Variants in CD200R1 observed in about 807,000 individuals in gnomAD.
CD200R1 encodes the protein cell surface glycoprotein CD200 receptor 1.
In CD200R1, 30 loss-of-function variants were observed where a neutral mutation model predicts 38.1. The observed-to-expected ratio is 0.79, with a 90% CI of 0.59 to 1.07. CD200R1 has a LOEUF of 1.07. Ranked by LOEUF, CD200R1 falls within the 50% of genes least tolerant of loss-of-function variation. The probability of loss-of-function intolerance (pLI) is 0.00; values close to 1 mark genes in which losing one functional copy is unlikely to be tolerated. For synonymous variants in CD200R1, 128 were observed against 152.1 expected (o/e 0.84, Z 1.16); for missense variants, 372 against 415.4 (o/e 0.90, Z 0.91).
At chr3:112,952,385 C>A (rs576477371) in intron 1 of CD200R1, among the ~76,000 whole-genome samples, 4 of 152,116 alleles carry the variant, frequency 2.6e-5, no homozygotes, top group South Asian at 2.1e-4. Context: ...AAGAATCAAC[C>A]CAAATGTCCA....
At chr3:112,971,830 T>C (rs1274914283) in intron 1 of CD200R1, among the ~76,000 whole-genome samples, 1 of 152,162 alleles carries the variant, frequency 6.6e-6, no homozygotes, top group African/African-American at 2.4e-5. Flanking sequence ...ACCTTGCATT[T>C]GCACATGCTA....
chr3:112,932,876 G>A (rs777889256), intron 2 of CD200R1, among the ~76,000 whole-genome samples: 33 of 151,948 alleles, frequency 2.2e-4, no homozygotes, highest in Non-Finnish European at 2.5e-4. Flanking sequence ...AAGTGGCCCC[G>A]TGCCTGTAAC....
chr3:112,932,071 G>C (rs1374733745), intron 2 of CD200R1, among the ~76,000 whole-genome samples: 1 of 152,138 alleles, frequency 6.6e-6, no homozygotes, highest in African/African-American at 2.4e-5. Flanking sequence ...AGTGCTACCA[G>C]GAATTCATAC....
Position 112,957,602 on chromosome 3 carries a change from A to G in CD200R1, c.68-9678T>C, listed in dbSNP as rs1178109423. Among the ~76,000 whole-genome samples the G allele has an allele frequency of 1.3e-5, 2 of 152,230 alleles. 1 individual carries two copies. The highest frequency in any genetic ancestry group is 1.3e-4 in the Admixed American group (2 of 15,282). ...GACATAGGCAAAGATTTATTGGGAC[A>G]TAAGTAGAACAAGCCATGAAAGAAA... On this transcript the variant is annotated intron_variant, in intron 1 of 7. Coordinates refer to ENST00000308611, the MANE Select transcript of CD200R1 (RefSeq NM_138806.4).
rs1356007688 is a variant in CD200R1, at chr3:112,929,196, C to T, written c.514G>A (p.Val172Met). The T allele has an allele frequency of 6.2e-7, 1 of 1,614,052 alleles. No homozygotes were observed. Residue 172 changes from valine to methionine, a missense_variant, in exon 4 of 8, where the codon GTG becomes ATG. Transcript: ENST00000308611. The stretch of plus-strand genomic sequence containing the variant: ...AATATATGATGCTCCTTACCTAACA[C>T]TTGGAGGTGATATCCACGATGGAAA... ...GNFHRGYHLQ[V>M]LVTPEVTLFQ...
intron 1 of CD200R1, among the ~76,000 whole-genome samples, chr3:112,967,414 A>T (rs1438095908): frequency 6.6e-6 from 1 of 152,150 alleles, no homozygotes; most frequent in Non-Finnish European, 1.5e-5. Flanking sequence ...TCCTTGGAGG[A>T]GCCTAACTTG....
intron 2 of CD200R1, among the ~76,000 whole-genome samples, chr3:112,946,397 G>T (rs943629622): frequency 6.6e-6 from 1 of 152,138 alleles, no homozygotes; most frequent in Admixed American, 6.5e-5. Flanking sequence ...AGGGCCAACT[G>T]TATTTTCAAA....
In CD200R1 at chr3:112,922,220, A is replaced by G. The variant is rs747184051; in HGVS notation, c.*1457T>C. 7.9e-5 allele frequency: 12 copies of G among 152,030 alleles called. No individual in the cohort carries two copies. The highest frequency in any genetic ancestry group is 1.5e-4 in the Non-Finnish European group (10 of 67,942). 9.4% of individuals were successfully genotyped at this position (152,030 alleles called of 1,614,324 possible). On this transcript the variant is annotated 3_prime_UTR_variant, in exon 8 of 8. Transcript: ENST00000308611. ...AAAATAGCTGTCTTAAAAATCTCAG[A>G]TGGTATGATTGAAGAATGAATATAT...
At chr3:112,953,423 T>C (rs1317977427) in intron 1 of CD200R1, among the ~76,000 whole-genome samples, 1 of 152,238 alleles carries the variant, frequency 6.6e-6, no homozygotes, top group African/African-American at 2.4e-5. Flanking sequence ...TCTTTTTATC[T>C]GGCGTCCTTG....
At chr3:112,965,364 T>C (rs937958896) in intron 1 of CD200R1, among the ~76,000 whole-genome samples, 1 of 152,164 alleles carries the variant, frequency 6.6e-6, no homozygotes, top group Non-Finnish European at 1.5e-5. Context: ...CTTTCAAGAA[T>C]GCTGACCTTG....
At chr3:112,934,487 G>T (rs183559040) in intron 2 of CD200R1, among the ~76,000 whole-genome samples, 3,259 of 152,036 alleles carry the variant, frequency 0.021, 39 homozygotes, top group South Asian at 0.048. Context: ...GAATGTAAAT[G>T]GATTCAATTT....
chr3:112,971,018 G>A lies in CD200R1; in HGVS notation c.67+3773C>T, dbSNP rs577288361. On this transcript the variant is annotated intron_variant, in intron 1 of 7. Coordinates refer to ENST00000308611, the MANE Select transcript of CD200R1 (RefSeq NM_138806.4). The stretch of plus-strand genomic sequence containing the variant: ...TTTTGTCCATATGTTTATTCTGTTC[G>A]TGGGATGGATCATCTACTTCATGAA... Among the ~76,000 whole-genome samples the A allele has an allele frequency of 9.2e-5, 14 of 152,178 alleles. No homozygotes were observed. In the East Asian group the frequency reaches 1.4e-3, roughly 15 times the overall value.
intron 2 of CD200R1, 23 bp from the exon 3 acceptor site, chr3:112,931,194 T>C: frequency 2.0e-6 from 3 of 1,479,216 alleles, no homozygotes; most frequent in Non-Finnish European, 2.8e-6. Flanking sequence ...TAGAGAAGAA[T>C]AAATGAAATC....
chr3:112,937,377 C>T (rs1940609306), intron 2 of CD200R1, among the ~76,000 whole-genome samples: 2 of 151,738 alleles, frequency 1.3e-5, no homozygotes, highest in African/African-American at 4.8e-5. Context: ...CAAACCATAT[C>T]AGAAGGGGTC....
At position 112,924,944 on chromosome 3, in the gene CD200R1, G is replaced by A. The variant is rs539898300; in HGVS notation, c.878+141C>T. On this transcript the variant is annotated intron_variant, in intron 6 of 7. Coordinates refer to ENST00000308611, the MANE Select transcript of CD200R1 (RefSeq NM_138806.4). ...TCTCTCATCATTCAAAGTAGTCCAA[G>A]TCTATCTAACACCTTCAAGATTTGA... is the stretch of plus-strand genomic sequence containing the variant. The A allele has an allele frequency of 6.0e-4, 387 of 643,886 alleles. 2 individuals carry two copies. The African/African-American group carries it at 6.9e-3, about 11-fold the overall frequency. 39.9% of individuals were successfully genotyped at this position (643,886 alleles called of 1,614,324 possible).
At chr3:112,966,286 C>T (rs144976014) in intron 1 of CD200R1, among the ~76,000 whole-genome samples, 1 of 152,316 alleles carries the variant, frequency 6.6e-6, no homozygotes, top group African/African-American at 2.4e-5. Flanking sequence ...GATCCCTATA[C>T]ACTGGAAAAG....
chr3:112,930,962 G>C (rs932808346), intron 3 of CD200R1, 144 bp downstream of exon 3: 1 of 583,930 alleles, frequency 1.7e-6, no homozygotes, highest in Non-Finnish European at 3.1e-6. Context: ...GGGTCATTCA[G>C]GATCCCTCAT....
At chr3:112,937,272 C>T (rs755890837) in intron 2 of CD200R1, among the ~76,000 whole-genome samples, 2 of 152,132 alleles carry the variant, frequency 1.3e-5, no homozygotes, top group Non-Finnish European at 2.9e-5. Flanking sequence ...AGTAACTGCC[C>T]CCCATGATTA....
At chr3:112,934,911 A>C (rs1363508463) in intron 2 of CD200R1, among the ~76,000 whole-genome samples, 1 of 152,164 alleles carries the variant, frequency 6.6e-6, no homozygotes, top group African/African-American at 2.4e-5. Context: ...AGTGGAAAAA[A>C]GACATGCAAA....
Sources: allele counts gnomAD v4.1 joint callset (sites outside exome capture counted in the v4.1 genomes callset), GRCh38; gene constraint gnomAD v4.1.1; transcripts MANE v1.5; gene names NCBI Gene and HGNC (gene_info 2026-07-23, HGNC 2026-07-21).